The following CNBD1 variants were observed in gnomAD, a reference collection of about 807,000 sequenced individuals.
The protein encoded by CNBD1 is cyclic nucleotide-binding domain-containing protein 1.
Under a neutral mutation model 54.4 loss-of-function variants are expected in CNBD1, and 71 were observed. The ratio of observed to expected loss-of-function variants is 1.30; its 90% CI spans 1.08 to 1.59. CNBD1 has a LOEUF of 1.59. Among genes scored for constraint, CNBD1 ranks in the 40% most tolerant of loss-of-function variants. The probability of loss-of-function intolerance (pLI) is 0.00; values close to 1 mark genes in which losing one functional copy is unlikely to be tolerated. For missense variants in CNBD1, 659 were observed against 518.0 expected, an observed-to-expected ratio of 1.27 and a Z score of -2.64; for synonymous variants, 182 against 170.7, an observed-to-expected ratio of 1.07 and a Z score of -0.51.
intron 6 of CNBD1, among the ~76,000 whole-genome samples, chr8:87,243,639 G>A (rs1405634776): frequency 6.6e-6 from 1 of 151,938 alleles, no homozygotes; most frequent in Non-Finnish European, 1.5e-5. Flanking sequence ...GTTTTATAGA[G>A]CATATTTTTA....
intron 8 of CNBD1, among the ~76,000 whole-genome samples, chr8:87,290,491 A>C (rs1808765844): frequency 6.6e-6 from 1 of 152,176 alleles, no homozygotes; most frequent in African/African-American, 2.4e-5. Context: ...CTTTATGAGT[A>C]AGAGAAGAAT....
At chr8:87,424,759 T>G (rs1808014905) in intron 2 of CNBD1, among the ~76,000 whole-genome samples, 1 of 152,304 alleles carries the variant, frequency 6.6e-6, no homozygotes, top group Non-Finnish European at 1.5e-5. Context: ...TAACCTTTTT[T>G]CCTTCATTTC....
At chr8:87,374,418 G>A (rs1262922315) in intron 10 of CNBD1, among the ~76,000 whole-genome samples, 2 of 151,798 alleles carry the variant, frequency 1.3e-5, no homozygotes, top group Admixed American at 6.6e-5. Context: ...ATTTAAGATA[G>A]TTCCTTAAAT....
At chr8:87,045,594 A>G (rs371818217) in intron 4 of CNBD1, among the ~76,000 whole-genome samples, 11 of 151,292 alleles carry the variant, frequency 7.3e-5, no homozygotes, top group African/African-American at 2.7e-4. Context: ...GCGTGGTGGC[A>G]GGTGCCTGGA....
intron 8 of CNBD1, among the ~76,000 whole-genome samples, chr8:87,313,637 T>A (rs1809316639): frequency 6.6e-6 from 1 of 151,948 alleles, no homozygotes; most frequent in Non-Finnish European, 1.5e-5. Context: ...AAGAAAGTGA[T>A]GTTTTTTTCT....
At chr8:87,212,951 A>G (rs78959217) in intron 5 of CNBD1, among the ~76,000 whole-genome samples, 9 of 152,196 alleles carry the variant, frequency 5.9e-5, no homozygotes, top group African/African-American at 1.9e-4. Flanking sequence ...TGCAAATCAT[A>G]TATCTAATAA....
chr8:87,328,369 A>G (rs1371236156), intron 8 of CNBD1, among the ~76,000 whole-genome samples: 1 of 151,716 alleles, frequency 6.6e-6, no homozygotes, highest in Non-Finnish European at 1.5e-5. Flanking sequence ...TACTTTATTT[A>G]ATATTTAATA....
At chr8:87,325,933 A>G (rs10092571) in intron 8 of CNBD1, among the ~76,000 whole-genome samples, 2,163 of 85,366 alleles carry the variant, frequency 0.025, 9 homozygotes, top group Non-Finnish European at 0.029. Flanking sequence ...ATTTTGCAGC[A>G]GCTGGTACCG....
At chr8:87,297,428 C>T (rs1163792180) in intron 8 of CNBD1, among the ~76,000 whole-genome samples, 2 of 151,986 alleles carry the variant, frequency 1.3e-5, no homozygotes, top group Non-Finnish European at 2.9e-5. Context: ...AGTCGTAGAA[C>T]ATGCAATACT....
At chr8:86,876,610 C>G (rs1237126636) in intron 1 of CNBD1, among the ~76,000 whole-genome samples, 2 of 150,488 alleles carry the variant, frequency 1.3e-5, no homozygotes, top group Non-Finnish European at 3.0e-5. Flanking sequence ...TTTTAATTTT[C>G]TTGTACTACT....
chr8:86,956,349 T>G (rs530374584), intron 4 of CNBD1, among the ~76,000 whole-genome samples: 8 of 152,218 alleles, frequency 5.3e-5, no homozygotes, highest in Non-Finnish European at 1.0e-4. Flanking sequence ...TTAAAGTAGT[T>G]TTTTCCAATT....
rs566486908 is a variant in CNBD1, at chr8:87,087,620, C to T, written c.432-118373C>T. Among the ~76,000 whole-genome samples, 12 of 151,642 alleles carry T rather than the reference C, an allele frequency of 7.9e-5. No homozygotes were observed. In the East Asian group the frequency reaches 1.4e-3, roughly 17 times the overall value. ...CTGGGACTACAGGCGCCAGCCACCA[C>T]GCCCGGCTATTTTTTTTTTGTATTT... On this transcript the variant is annotated intron_variant, in intron 4 of 10. Transcript: ENST00000518476.
chr8:87,113,566 G>A (rs1206291284), intron 4 of CNBD1, among the ~76,000 whole-genome samples: 1 of 152,124 alleles, frequency 6.6e-6, no homozygotes, highest in Non-Finnish European at 1.5e-5. Context: ...AAAATAATAT[G>A]TATGTTTATC....
intron 2 of CNBD1, among the ~76,000 whole-genome samples, chr8:87,394,981 G>A (rs575538323): frequency 1.3e-5 from 2 of 151,814 alleles, no homozygotes; most frequent in African/African-American, 2.4e-5. Flanking sequence ...AAAGTAAAAC[G>A]ATAGTGTTTT....
chr8:87,193,968 C>T (rs1299206975), intron 4 of CNBD1, among the ~76,000 whole-genome samples: 2 of 152,088 alleles, frequency 1.3e-5, no homozygotes, highest in Non-Finnish European at 2.9e-5. Context: ...TACAGTGTCT[C>T]CTAAGGAACA....
chr8:87,280,103 T>C (rs1279383133), intron 6 of CNBD1, among the ~76,000 whole-genome samples: 1 of 151,606 alleles, frequency 6.6e-6, no homozygotes, highest in Non-Finnish European at 1.5e-5. Context: ...TAGGTCCCCA[T>C]CAGATTCTCA....
At chr8:87,172,172 TTAATAA>T (rs964116876) in intron 4 of CNBD1, among the ~76,000 whole-genome samples, 5 of 152,052 alleles carry the variant, frequency 3.3e-5, no homozygotes, top group African/African-American at 4.8e-5. Flanking sequence ...AGAATTCTTG[TTAATAA>T]TAATAAGAAT....
chr8:87,095,153 G>A (rs761598982), intron 4 of CNBD1, among the ~76,000 whole-genome samples: 3 of 152,218 alleles, frequency 2.0e-5, no homozygotes, highest in Non-Finnish European at 4.4e-5. Context: ...TCAGATTAAA[G>A]CAAGGTTAAT....
At chr8:87,325,312 A>G (rs1809643058) in intron 8 of CNBD1, among the ~76,000 whole-genome samples, 1 of 93,964 alleles carries the variant, frequency 1.1e-5, no homozygotes, top group Non-Finnish European at 2.1e-5. Flanking sequence ...GTAGATGTCT[A>G]TTAGGTCCGC....
Sources: allele counts gnomAD v4.1 joint callset (sites outside exome capture counted in the v4.1 genomes callset), GRCh38; gene constraint gnomAD v4.1.1; transcripts MANE v1.5; gene names NCBI Gene and HGNC (gene_info 2026-07-23, HGNC 2026-07-21).